ZMYND11: variants seen among roughly 807,000 people sequenced by gnomAD.
ZMYND11 encodes zinc finger MYND domain-containing protein 11.
A neutral mutation model predicts 84.9 loss-of-function variants in ZMYND11; 9 were observed. The ratio of observed to expected loss-of-function variants is 0.11; its 90% CI spans 0.06 to 0.18. The LOEUF (loss-of-function observed/expected upper bound fraction) is 0.18. ZMYND11 is among the 10% of genes least tolerant of loss of function. The probability of loss-of-function intolerance (pLI) is 1.00; values close to 1 mark genes in which losing one functional copy is unlikely to be tolerated. For missense variants in ZMYND11, 409 were observed against 761.0 expected, an observed-to-expected ratio of 0.54 and a Z score of 5.44; for synonymous variants, 250 against 244.1, an observed-to-expected ratio of 1.02 and a Z score of -0.23.
At position 252,499 on chromosome 10, in the gene ZMYND11, G is replaced by T; in HGVS notation, c.*29G>T. On this transcript the variant is annotated 3_prime_UTR_variant, in exon 15 of 15. Coordinates refer to ENST00000381604, the MANE Select transcript of ZMYND11 (RefSeq NM_001370100.5). The surrounding 1 kb of genome is among the most constrained non-coding windows in gnomAD (Gnocchi z 4.6). ...TGGCCCTTCCCGGAGTCACCCCGAT[G>T]ATTACTCTTTTCAGACACAGCGGTT... The T allele has an allele frequency of 6.3e-7, 1 of 1,596,686 alleles. No individual in the cohort carries two copies. Among genetic ancestry groups the T allele is most frequent in the South Asian group, 1.1e-5 (1 of 90,014 alleles).
At position 253,176 on chromosome 10, in the gene ZMYND11, T is replaced by C. The variant is rs1479020901; in HGVS notation, c.*706T>C. ...TGAGCTGGATCTTAGAGAAAATGAATATTTAAATTTTAAAGTTTGCACATT... is the reference window on the plus strand; with the variant it reads ...TGAGCTGGATCTTAGAGAAAATGAACATTTAAATTTTAAAGTTTGCACATT... On this transcript the variant is annotated 3_prime_UTR_variant, in exon 15 of 15. Coordinates refer to ENST00000381604, the MANE Select transcript of ZMYND11 (RefSeq NM_001370100.5). 3 of 152,660 alleles carry C rather than the reference T, an allele frequency of 2.0e-5. No individual in the cohort carries two copies. Among genetic ancestry groups the C allele is most frequent in the African/African-American group, 7.2e-5 (3 of 41,450 alleles). The allele number at this position is 152,660 out of a possible 1,614,324, so 9.5% of individuals were successfully genotyped here.
chr10:218,969 A>G (rs1301757702), intron 3 of ZMYND11, among the ~76,000 whole-genome samples: 1 of 152,202 alleles, frequency 6.6e-6, no homozygotes, highest in African/African-American at 2.4e-5. Flanking sequence ...CATATTCTGA[A>G]CAGCTATTGC....
At chr10:177,343 G>T (rs565929639) in intron 1 of ZMYND11, among the ~76,000 whole-genome samples, 12 of 152,148 alleles carry the variant, frequency 7.9e-5, no homozygotes, top group African/African-American at 2.9e-4. Context: ...AATGTTCTAC[G>T]TGGGCTCTTA....
At chr10:191,680 CATAA>C (rs1564353288) in intron 2 of ZMYND11, among the ~76,000 whole-genome samples, 1 of 152,168 alleles carries the variant, frequency 6.6e-6, no homozygotes, top group Non-Finnish European at 1.5e-5. Flanking sequence ...CTAAAAGTAA[CATAA>C]ATATATTACA....
intron 1 of ZMYND11, among the ~76,000 whole-genome samples, chr10:143,140 A>T (rs1462642822): frequency 6.6e-6 from 1 of 152,228 alleles, no homozygotes; most frequent in East Asian, 1.9e-4. Context: ...ATTAAATGCT[A>T]AGGCTTCAGC....
At chr10:217,850 C>G (rs1485932917) in intron 3 of ZMYND11, among the ~76,000 whole-genome samples, 1 of 152,114 alleles carries the variant, frequency 6.6e-6, no homozygotes, top group Non-Finnish European at 1.5e-5. Flanking sequence ...GCTGCGAATG[C>G]CAGGGCCAGG....
At chr10:136,867 T>C (rs1341689331) in intron 1 of ZMYND11, among the ~76,000 whole-genome samples, 1 of 152,110 alleles carries the variant, frequency 6.6e-6, no homozygotes, top group African/African-American at 2.4e-5. Flanking sequence ...TTGTGCAGTA[T>C]GTGCACGGTA....
At chr10:170,839 A>G (rs1554765514) in intron 1 of ZMYND11, among the ~76,000 whole-genome samples, 1 of 152,164 alleles carries the variant, frequency 6.6e-6, no homozygotes, top group East Asian at 1.9e-4. Flanking sequence ...TATTAATCTA[A>G]CTGTATTAAT....
chr10:213,307 G>A (rs949133697), intron 3 of ZMYND11, among the ~76,000 whole-genome samples: 1 of 152,124 alleles, frequency 6.6e-6, no homozygotes, highest in Non-Finnish European at 1.5e-5. Context: ...GTGTTCTGTG[G>A]GCTAATGATT....
intron 2 of ZMYND11, among the ~76,000 whole-genome samples, chr10:188,696 A>G (rs1269178230): frequency 6.6e-6 from 1 of 152,188 alleles, no homozygotes; most frequent in Non-Finnish European, 1.5e-5. Flanking sequence ...CAAGTTACAT[A>G]TATCACTTCC....
chr10:166,082 TCACATCA>T (rs1843942605), intron 1 of ZMYND11, among the ~76,000 whole-genome samples: 1 of 152,076 alleles, frequency 6.6e-6, no homozygotes, highest in African/African-American at 2.4e-5. Flanking sequence ...ACCACCTACC[TCACATCA>T]CATATAAAAA....
At chr10:180,206 T>G in intron 2 of ZMYND11, 78 bp downstream of exon 2, 1 of 1,058,728 alleles carries the variant, frequency 9.4e-7, no homozygotes, top group East Asian at 2.4e-5. Flanking sequence ...AAATTTTATC[T>G]GTTATGCTAA....
chr10:213,135 G>A (rs1345253605), intron 3 of ZMYND11, among the ~76,000 whole-genome samples: 1 of 152,054 alleles, frequency 6.6e-6, no homozygotes, highest in Admixed American at 6.6e-5. Flanking sequence ...TGCATATGGG[G>A]GTGCCAGATG....
chr10:131,987 C>A (rs1835320546), upstream of ZMYND11, among the ~76,000 whole-genome samples: 1 of 152,012 alleles, frequency 6.6e-6, no homozygotes, highest in East Asian at 1.9e-4. Context: ...GACTGGAAAT[C>A]CTTAAGCAAC....
chr10:130,999 C>T (rs931335781), upstream of ZMYND11, among the ~76,000 whole-genome samples: 3 of 152,094 alleles, frequency 2.0e-5, no homozygotes, highest in African/African-American at 7.2e-5. Flanking sequence ...CACCTGTGGT[C>T]CCAGCTGCTC....
At chr10:163,336 AT>A (rs1251370995) in intron 1 of ZMYND11, among the ~76,000 whole-genome samples, 1 of 151,832 alleles carries the variant, frequency 6.6e-6, no homozygotes, top group Non-Finnish European at 1.5e-5. Flanking sequence ...GGCCCTTTCT[AT>A]TTGCAAATGG....
chr10:247,148 A>G (rs1418553612), intron 11 of ZMYND11, 175 bp downstream of exon 11: 24 of 778,480 alleles, frequency 3.1e-5, no homozygotes, highest in Non-Finnish European at 4.5e-5. Context: ...CATAGATGTA[A>G]CAATCAATGA....
At chr10:158,161 A>G (rs1842121603) in intron 1 of ZMYND11, among the ~76,000 whole-genome samples, 1 of 152,156 alleles carries the variant, frequency 6.6e-6, no homozygotes, top group Non-Finnish European at 1.5e-5. Context: ...TTTTAGGCTA[A>G]TATCAGTAAT....
chr10:252,658 T>A lies in ZMYND11; in HGVS notation c.*188T>A. ...TGCTCCTCCGAAGTTTTTCAGGGGG[T>A]AAAAGTAACATCAGTGGAGGGTATT... On this transcript the variant is annotated 3_prime_UTR_variant, in exon 15 of 15. Coordinates refer to ENST00000381604, the MANE Select transcript of ZMYND11 (RefSeq NM_001370100.5). The surrounding 1 kb of genome is among the most constrained non-coding windows in gnomAD (Gnocchi z 4.6). The A allele has an allele frequency of 1.7e-6, 1 of 578,604 alleles. No homozygotes were observed. Among genetic ancestry groups the A allele is most frequent in the South Asian group, 3.0e-5 (1 of 33,804 alleles). The allele number at this position is 578,604 out of a possible 1,614,324, so 35.8% of individuals were successfully genotyped here.
Sources: allele counts gnomAD v4.1 joint callset (sites outside exome capture counted in the v4.1 genomes callset), GRCh38; gene constraint gnomAD v4.1.1; non-coding constraint Gnocchi (gnomAD v3.1); transcripts MANE v1.5; gene names NCBI Gene and HGNC (gene_info 2026-07-23, HGNC 2026-07-21).